The following TCF12 variants were observed in gnomAD, a reference collection of about 807,000 sequenced individuals.
TCF12 encodes DNA-binding protein HTF4.
A neutral mutation model predicts 86.0 loss-of-function variants in TCF12; 45 were observed. That is an observed-to-expected ratio of 0.52 (90% CI 0.41 to 0.67). The LOEUF is 0.67. TCF12 is among the 30% of genes least tolerant of loss of function. The probability of loss-of-function intolerance (pLI) is 0.00; values close to 1 mark genes in which losing one functional copy is unlikely to be tolerated. For synonymous variants in TCF12, 330 were observed against 299.6 expected, an observed-to-expected ratio of 1.10 and a Z score of -1.05; for missense variants, 881 against 859.9, an observed-to-expected ratio of 1.02 and a Z score of -0.31.
intron 3 of TCF12, among the ~76,000 whole-genome samples, chr15:56,933,228 A>G (rs1288895344): frequency 6.6e-6 from 1 of 152,248 alleles, no homozygotes; most frequent in Non-Finnish European, 1.5e-5. Flanking sequence ...GTAGTTTAAA[A>G]ATGTTATCAA....
At chr15:57,140,557 C>A (rs2052887020) in intron 5 of TCF12, among the ~76,000 whole-genome samples, 1 of 152,200 alleles carries the variant, frequency 6.6e-6, no homozygotes. Flanking sequence ...ATTCATAGAT[C>A]TAAGGCCTAA....
intron 6 of TCF12, among the ~76,000 whole-genome samples, chr15:57,177,390 C>T (rs1290283128): frequency 2.0e-5 from 3 of 151,548 alleles, no homozygotes; most frequent in Non-Finnish European, 4.4e-5. Context: ...CTGCCACAGC[C>T]TCCTGAGTAG....
chr15:57,138,578 A>G (rs8042190), intron 5 of TCF12, among the ~76,000 whole-genome samples: 35,182 of 152,132 alleles, frequency 0.23, 4,152 homozygotes, highest in Non-Finnish European at 0.24. Flanking sequence ...TAGAGGGGTA[A>G]TTCATATATT....
At chr15:57,002,456 A>C (rs2064105651) in intron 3 of TCF12, among the ~76,000 whole-genome samples, 1 of 152,214 alleles carries the variant, frequency 6.6e-6, no homozygotes, top group Non-Finnish European at 1.5e-5. Flanking sequence ...TATCCACCTA[A>C]CACATATATC....
intron 3 of TCF12, among the ~76,000 whole-genome samples, chr15:57,023,314 C>A (rs764665627): frequency 3.3e-5 from 5 of 152,028 alleles, no homozygotes; most frequent in Non-Finnish European, 7.4e-5. Context: ...TTTATTTAAT[C>A]CTCATGGGAA....
At chr15:57,010,782 CTTGAT>C (rs2064783585) in intron 3 of TCF12, among the ~76,000 whole-genome samples, 1 of 152,112 alleles carries the variant, frequency 6.6e-6, no homozygotes, top group Non-Finnish European at 1.5e-5. Flanking sequence ...TTTGGAGACT[CTTGAT>C]TTAGGAGGAT....
intron 5 of TCF12, among the ~76,000 whole-genome samples, chr15:57,144,629 C>T (rs1277167791): frequency 6.6e-6 from 1 of 152,140 alleles, no homozygotes; most frequent in East Asian, 1.9e-4. Context: ...GACAGCTTCT[C>T]ACTCTGTAAT....
chr15:57,248,419 C>T (rs1341674401), intron 13 of TCF12, among the ~76,000 whole-genome samples: 1 of 152,154 alleles, frequency 6.6e-6, no homozygotes, highest in Non-Finnish European at 1.5e-5. Context: ...TGAGCATTTG[C>T]AGTAAGAGAA....
At chr15:57,268,317 A>G (rs1437108452) in intron 18 of TCF12, among the ~76,000 whole-genome samples, 1 of 152,210 alleles carries the variant, frequency 6.6e-6, no homozygotes, top group African/African-American at 2.4e-5. Flanking sequence ...TCTTTAAAGG[A>G]CTTTTTGAAG....
chr15:57,052,083 T>C (rs2067668473), intron 3 of TCF12, among the ~76,000 whole-genome samples: 1 of 152,244 alleles, frequency 6.6e-6, no homozygotes, highest in African/African-American at 2.4e-5. Context: ...GTTTAGACGT[T>C]AATTATGAGA....
intron 3 of TCF12, among the ~76,000 whole-genome samples, chr15:56,961,925 G>A (rs1218218205): frequency 1.3e-5 from 2 of 151,788 alleles, no homozygotes; most frequent in Non-Finnish European, 2.9e-5. Context: ...GGTGGATCAC[G>A]AGGTCAGGAG....
chr15:57,267,779 A>G (rs2060937969), intron 18 of TCF12, among the ~76,000 whole-genome samples: 1 of 152,212 alleles, frequency 6.6e-6, no homozygotes, highest in Non-Finnish European at 1.5e-5. Context: ...GAATAGGTTA[A>G]TAACATGACC....
At chr15:57,219,674 G>A in intron 8 of TCF12, 1 of 1,274,298 alleles carries the variant, frequency 7.8e-7, no homozygotes, top group South Asian at 1.3e-5. Flanking sequence ...TAAAATCTGT[G>A]AGGTTTTGTT....
chr15:57,014,177 A>T (rs1319256456), intron 3 of TCF12, among the ~76,000 whole-genome samples: 1 of 152,162 alleles, frequency 6.6e-6, no homozygotes, highest in African/African-American at 2.4e-5. Context: ...ACCTTTTCAT[A>T]TCATAGTGTT....
chr15:57,164,826 G>A (rs1023024514), intron 5 of TCF12, among the ~76,000 whole-genome samples: 15 of 152,048 alleles, frequency 9.9e-5, no homozygotes, highest in Admixed American at 2.6e-4. Context: ...GCTAACAGGC[G>A]TGTGCCACCA....
chr15:57,271,146 C>G (rs2061122343), intron 18 of TCF12, among the ~76,000 whole-genome samples: 1 of 152,210 alleles, frequency 6.6e-6, no homozygotes, highest in Non-Finnish European at 1.5e-5. Context: ...TGTCTGCTGC[C>G]TTTTGTTCAG....
chr15:57,101,592 C>A (rs190348987), intron 5 of TCF12, among the ~76,000 whole-genome samples: 7 of 152,184 alleles, frequency 4.6e-5, no homozygotes, highest in Non-Finnish European at 8.8e-5. Flanking sequence ...CATGTGCACG[C>A]GTGCGTGCAC....
At chr15:57,181,698 A>C (rs2056362875) in intron 6 of TCF12, among the ~76,000 whole-genome samples, 1 of 152,230 alleles carries the variant, frequency 6.6e-6, no homozygotes, top group African/African-American at 2.4e-5. Flanking sequence ...AAAAACTTAA[A>C]ATACATGTAT....
intron 3 of TCF12, among the ~76,000 whole-genome samples, chr15:56,989,914 C>T (rs1461621758): frequency 1.3e-5 from 2 of 152,068 alleles, no homozygotes; most frequent in Non-Finnish European, 2.9e-5. Flanking sequence ...TTTCCTTGAC[C>T]TGGCTGTTTT....
Sources: gnomAD v4.1 joint callset for allele counts (sites outside exome capture counted in the v4.1 genomes callset) on GRCh38, gnomAD v4.1.1 for gene constraint, MANE v1.5 for transcripts, NCBI Gene and HGNC (gene_info 2026-07-23, HGNC 2026-07-21) for gene names.